Variants in ZFYVE28 observed in about 807,000 individuals in gnomAD.
ZFYVE28 encodes the protein zinc finger FYVE-type containing 28.
A neutral mutation model predicts 82.1 loss-of-function variants in ZFYVE28; 40 were observed. That is an observed-to-expected ratio of 0.49 (90% CI 0.38 to 0.63). ZFYVE28 has a LOEUF of 0.63. Among genes scored for constraint, ZFYVE28 ranks in the 30% least tolerant of loss-of-function variants. ZFYVE28 has a pLI of 0.00. For missense variants in ZFYVE28, 1,321 were observed against 1,242.1 expected, an observed-to-expected ratio of 1.06 and a Z score of -0.96; for synonymous variants, 612 against 546.1, an observed-to-expected ratio of 1.12 and a Z score of -1.68.
At chr4:2,404,507 A>G (rs568547179) in intron 1 of ZFYVE28, among the ~76,000 whole-genome samples, 276 of 101,972 alleles carry the variant, frequency 2.7e-3, no homozygotes, top group African/African-American at 9.7e-3. Context: ...CACTAATGGA[A>G]TATTATTCAG....
chr4:2,375,877 AT>A (rs58441543), intron 1 of ZFYVE28, among the ~76,000 whole-genome samples: 53 of 147,668 alleles, frequency 3.6e-4, no homozygotes, highest in Middle Eastern at 3.5e-3. Context: ...TGGTCAAATA[AT>A]TTTTTTTTTT....
chr4:2,357,475 C>T (rs1362862777), intron 1 of ZFYVE28, among the ~76,000 whole-genome samples: 1 of 152,210 alleles, frequency 6.6e-6, no homozygotes, highest in African/African-American at 2.4e-5. Context: ...GCATGAGACC[C>T]GCTGGGCCTG....
At chr4:2,406,145 G>A (rs1731889884) in intron 1 of ZFYVE28, among the ~76,000 whole-genome samples, 1 of 152,052 alleles carries the variant, frequency 6.6e-6, no homozygotes, top group South Asian at 2.1e-4. Flanking sequence ...GCCGAGGCAG[G>A]TGAATCACTT....
chr4:2,331,717 C>T (rs1439329286), intron 6 of ZFYVE28, among the ~76,000 whole-genome samples: 1 of 152,116 alleles, frequency 6.6e-6, no homozygotes, highest in Non-Finnish European at 1.5e-5. Context: ...AGAGCAAGTC[C>T]CCACAGGGGT....
At position 2,416,803 on chromosome 4, in the gene ZFYVE28, C is replaced by CT. The variant is rs1733093890; in HGVS notation, c.39+1481_39+1482insA. Among the ~76,000 whole-genome samples, 1 of 125,706 alleles carries CT rather than the reference C, an allele frequency of 8.0e-6. No individual in the cohort carries two copies. Among genetic ancestry groups the CT allele is most frequent in the Non-Finnish European group, 1.6e-5 (1 of 61,050 alleles). 82.5% of individuals were successfully genotyped at this position (125,706 alleles called of 152,430 possible). A position where few individuals can be genotyped will look rare whatever the true frequency, so the allele number is the denominator to read the frequency against. On this transcript the variant is annotated intron_variant, in intron 1 of 12. Coordinates refer to ENST00000290974, the MANE Select transcript of ZFYVE28 (RefSeq NM_020972.3). This position sits in a 1 kb window ranked among gnomAD's most constrained non-coding sequence, Gnocchi z 4.6. ...AGTGACGCCACAGGAACCCTGAATC[C>CT]CCCCGAGTCCCCTCCCAATCAAGCC... is the stretch of plus-strand genomic sequence containing the variant.
intron 7 of ZFYVE28, among the ~76,000 whole-genome samples, chr4:2,313,084 C>T (rs1364928562): frequency 2.7e-5 from 4 of 149,932 alleles, no homozygotes; most frequent in African/African-American, 7.3e-5. Flanking sequence ...CCTAATTTAT[C>T]ATGTAATTGG....
rs1197114605 is a variant in ZFYVE28 at position 2,418,107 on chromosome 4, A to T, written c.39+178T>A. Among the ~76,000 whole-genome samples, 2 of 152,030 alleles carry T rather than the reference A, an allele frequency of 1.3e-5. No individual in the cohort carries two copies. Among genetic ancestry groups the T allele is most frequent in the Non-Finnish European group, 2.9e-5 (2 of 67,966 alleles). On this transcript the variant is annotated intron_variant, in intron 1 of 12. Coordinates refer to ENST00000290974, the MANE Select transcript of ZFYVE28 (RefSeq NM_020972.3). This position sits in a 1 kb window ranked among gnomAD's most constrained non-coding sequence, Gnocchi z 4.6. ...CGGGAGGGAGGTTCGGATCCGCCTC[A>T]GAGACAGGGCGATGAAGATCTGTCC...
chr4:2,372,138 G>A lies in ZFYVE28; in HGVS notation c.40-18065C>T, dbSNP rs1320463118. On this transcript the variant is annotated intron_variant, in intron 1 of 12. Coordinates refer to ENST00000290974, the MANE Select transcript of ZFYVE28 (RefSeq NM_020972.3). This position sits in a 1 kb window ranked among gnomAD's most constrained non-coding sequence, Gnocchi z 5.2. Reference sequence around the variant, plus strand: ...TGGACATCTGTCAGAACTGGGGAGCGGGGAGGAGGGCAAATGTTTTGTTTG... The same window carrying A: ...TGGACATCTGTCAGAACTGGGGAGCAGGGAGGAGGGCAAATGTTTTGTTTG... Among the ~76,000 whole-genome samples the A allele has an allele frequency of 1.3e-5, 2 of 152,174 alleles. No individual in the cohort carries two copies. Among genetic ancestry groups the A allele is most frequent in the Non-Finnish European group, 2.9e-5 (2 of 68,024 alleles).
chr4:2,289,851 G>C (rs1413748984), intron 8 of ZFYVE28, among the ~76,000 whole-genome samples: 2 of 152,098 alleles, frequency 1.3e-5, no homozygotes, highest in Non-Finnish European at 2.9e-5. Context: ...CAGTCATCAC[G>C]GTGGTGTCCA....
At chr4:2,336,729 G>A (rs1392166554) in intron 5 of ZFYVE28, among the ~76,000 whole-genome samples, 1 of 151,238 alleles carries the variant, frequency 6.6e-6, no homozygotes, top group African/African-American at 2.4e-5. Context: ...GGAGTAAGGA[G>A]GTGAGGAGTA....
chr4:2,417,736 G>A lies in ZFYVE28; in HGVS notation c.39+549C>T, dbSNP rs1457441662. 2.6e-5 allele frequency among the ~76,000 whole-genome samples: 4 copies of A among 152,132 alleles called. No homozygotes were observed. Among genetic ancestry groups the A allele is most frequent in the Non-Finnish European group, 5.9e-5 (4 of 68,008 alleles). Reference sequence around the variant, plus strand: ...GGACATGGAAGGACGGGTCTGCCCTGGACCCAGGGATTGGGAAATGTGGGT... The same window carrying A: ...GGACATGGAAGGACGGGTCTGCCCTAGACCCAGGGATTGGGAAATGTGGGT... On this transcript the variant is annotated intron_variant, in intron 1 of 12. Coordinates refer to ENST00000290974, the MANE Select transcript of ZFYVE28 (RefSeq NM_020972.3). This position sits in a 1 kb window ranked among gnomAD's most constrained non-coding sequence, Gnocchi z 4.8.
At chr4:2,399,473 C>G (rs532447115) in intron 1 of ZFYVE28, among the ~76,000 whole-genome samples, 1 of 152,328 alleles carries the variant, frequency 6.6e-6, no homozygotes, top group Admixed American at 6.5e-5. Context: ...GTCCCCAAGC[C>G]AGCTATACCC....
At chr4:2,303,874 C>T (rs552731181) in intron 8 of ZFYVE28, among the ~76,000 whole-genome samples, 20 of 152,358 alleles carry the variant, frequency 1.3e-4, no homozygotes, top group South Asian at 2.1e-4. Flanking sequence ...GTGGGCAGTG[C>T]GCTCGGATGC....
chr4:2,390,700 C>T (rs74390073), intron 1 of ZFYVE28, among the ~76,000 whole-genome samples: 2,276 of 152,314 alleles, frequency 0.015, 65 homozygotes, highest in African/African-American at 0.052. Context: ...AATGGGTTTC[C>T]CTTTTGCCTC....
At chr4:2,363,676 G>A (rs758983456) in intron 1 of ZFYVE28, among the ~76,000 whole-genome samples, 44 of 152,192 alleles carry the variant, frequency 2.9e-4, no homozygotes, top group Non-Finnish European at 5.6e-4. Context: ...GGTCACCAGC[G>A]CATGGAGGAC....
At position 2,372,987 on chromosome 4, in the gene ZFYVE28, G is replaced by A. The variant is rs1335020567; in HGVS notation, c.40-18914C>T. Among the ~76,000 whole-genome samples the A allele has an allele frequency of 1.3e-5, 2 of 152,042 alleles. No homozygotes were observed. The highest frequency in any genetic ancestry group is 4.8e-5 in the African/African-American group (2 of 41,390). On this transcript the variant is annotated intron_variant, in intron 1 of 12. Coordinates refer to ENST00000290974, the MANE Select transcript of ZFYVE28 (RefSeq NM_020972.3). The surrounding 1 kb of genome is among the most constrained non-coding windows in gnomAD (Gnocchi z 5.2). ...CCACGTCTCTGGGCAGACACTCGGG[G>A]TACCCTTACCCTATGCCTGAGCCAG...
At chr4:2,325,459 T>C (rs145048301) in intron 6 of ZFYVE28, among the ~76,000 whole-genome samples, 1,709 of 152,264 alleles carry the variant, frequency 0.011, 35 homozygotes, top group African/African-American at 0.038. Context: ...CAAAAAATCA[T>C]TTACAAAAAA....
At chr4:2,349,774 A>G (rs1724088512) in intron 2 of ZFYVE28, among the ~76,000 whole-genome samples, 1 of 152,194 alleles carries the variant, frequency 6.6e-6, no homozygotes, top group South Asian at 2.1e-4. Context: ...ATAACATGAT[A>G]ATCTCCGTTG....
intron 1 of ZFYVE28, among the ~76,000 whole-genome samples, chr4:2,412,915 G>A (rs1344205538): frequency 2.0e-5 from 3 of 152,122 alleles, no homozygotes; most frequent in Admixed American, 6.5e-5. Context: ...TCCCTCCCCC[G>A]TCTGCCCTGC....
Sources: gnomAD v4.1 joint callset for allele counts (sites outside exome capture counted in the v4.1 genomes callset) on GRCh38, gnomAD v4.1.1 for gene constraint, Gnocchi (gnomAD v3.1) non-coding constraint, MANE v1.5 for transcripts, NCBI Gene and HGNC (gene_info 2026-07-23, HGNC 2026-07-21) for gene names.